The following LYPD6 variants were observed in gnomAD, a reference collection of about 807,000 sequenced individuals.
LYPD6 encodes the protein LY6/PLAUR domain containing 6.
In LYPD6, 15 loss-of-function variants were observed where a neutral mutation model predicts 22.7. That is an observed-to-expected ratio of 0.66 (90% CI 0.44 to 1.02). LYPD6 has a LOEUF of 1.02. Ranked by LOEUF, LYPD6 falls within the 50% of genes least tolerant of loss-of-function variation. LYPD6 has a pLI of 0.00. For synonymous variants in LYPD6, 72 were observed against 77.5 expected, an observed-to-expected ratio of 0.93 and a Z score of 0.37; for missense variants, 189 against 208.4, an observed-to-expected ratio of 0.91 and a Z score of 0.57.
chr2:149,373,426 A>T (rs866574421), intron 1 of LYPD6, among the ~76,000 whole-genome samples: 3 of 152,150 alleles, frequency 2.0e-5, no homozygotes, highest in Admixed American at 6.5e-5. Context: ...TAGAGTAGGA[A>T]GGAAAGGGGT....
At chr2:149,391,200 C>T (rs781200787) in intron 1 of LYPD6, among the ~76,000 whole-genome samples, 9 of 152,180 alleles carry the variant, frequency 5.9e-5, no homozygotes, top group East Asian at 1.9e-4. Flanking sequence ...ATCTGCCAGA[C>T]GCTGACATGG....
intron 3 of LYPD6, among the ~76,000 whole-genome samples, chr2:149,459,180 A>G (rs1681032922): frequency 1.3e-5 from 2 of 152,230 alleles, no homozygotes; most frequent in South Asian, 4.1e-4. Flanking sequence ...ATCTGATATG[A>G]GAAACATTAG....
downstream of LYPD6, among the ~76,000 whole-genome samples, chr2:149,478,882 C>T (rs1681481479): frequency 6.6e-6 from 1 of 152,174 alleles, no homozygotes; most frequent in South Asian, 2.1e-4. Flanking sequence ...GTCCCACCCA[C>T]ATTCACACAT....
downstream of LYPD6, among the ~76,000 whole-genome samples, chr2:149,476,977 A>G (rs1334697402): frequency 6.6e-6 from 1 of 152,180 alleles, no homozygotes; most frequent in Admixed American, 6.5e-5. Flanking sequence ...ATCATGCTTG[A>G]GAAGCTTGGC....
intron 2 of LYPD6, among the ~76,000 whole-genome samples, chr2:149,438,145 G>T (rs1344757719): frequency 3.3e-5 from 5 of 152,190 alleles, no homozygotes; most frequent in Non-Finnish European, 7.4e-5. Flanking sequence ...CCAGAAGGAG[G>T]ATTGTTTGTA....
intron 1 of LYPD6, among the ~76,000 whole-genome samples, chr2:149,409,194 T>C (rs1293116815): frequency 1.3e-5 from 2 of 152,230 alleles, no homozygotes; most frequent in Admixed American, 6.5e-5. Flanking sequence ...TCTAGCCACC[T>C]AGCAGAGCTA....
chr2:149,335,693 A>C (rs564804495), intron 1 of LYPD6, among the ~76,000 whole-genome samples: 157 of 152,288 alleles, frequency 1.0e-3, no homozygotes, highest in Non-Finnish European at 1.8e-3. Flanking sequence ...AGCAACTTAC[A>C]GTCCTGCAAG....
At chr2:149,433,203 G>A (rs796340001) in intron 1 of LYPD6, among the ~76,000 whole-genome samples, 1 of 152,172 alleles carries the variant, frequency 6.6e-6, no homozygotes, top group African/African-American at 2.4e-5. Context: ...TGAAATTCAT[G>A]GTTAAAAAAT....
At chr2:149,421,572 C>T (rs1215274297) in intron 1 of LYPD6, among the ~76,000 whole-genome samples, 2 of 151,728 alleles carry the variant, frequency 1.3e-5, no homozygotes, top group Non-Finnish European at 2.9e-5. Context: ...TTTTGTAGGT[C>T]GAAAATGATG....
the LYPD6 span, among the ~76,000 whole-genome samples, chr2:149,484,569 C>T: frequency 6.6e-6 from 1 of 152,094 alleles, no homozygotes; most frequent in Non-Finnish European, 1.5e-5. Flanking sequence ...AGTCCATGCA[C>T]AGCAATCCTT....
chr2:149,371,833 G>C (rs1278173403), intron 1 of LYPD6, among the ~76,000 whole-genome samples: 1 of 152,130 alleles, frequency 6.6e-6, no homozygotes, highest in Non-Finnish European at 1.5e-5. Flanking sequence ...TTGCTGGAGT[G>C]TCCATAGTAC....
chr2:149,372,989 A>G (rs1681843198), intron 1 of LYPD6, among the ~76,000 whole-genome samples: 1 of 152,184 alleles, frequency 6.6e-6, no homozygotes, highest in African/African-American at 2.4e-5. Context: ...AGGGAGTTAC[A>G]GGATCAGATT....
At chr2:149,343,823 A>G (rs531310536) in intron 1 of LYPD6, among the ~76,000 whole-genome samples, 10 of 152,238 alleles carry the variant, frequency 6.6e-5, no homozygotes, top group Middle Eastern at 3.4e-3. Context: ...CCTCAAAATG[A>G]TTGCTTAAGA....
At chr2:149,430,709 G>A (rs558639675) in intron 1 of LYPD6, among the ~76,000 whole-genome samples, 9 of 152,242 alleles carry the variant, frequency 5.9e-5, no homozygotes, top group South Asian at 2.1e-4. Flanking sequence ...TTATAATTGC[G>A]TATATACTGA....
intron 1 of LYPD6, among the ~76,000 whole-genome samples, chr2:149,365,043 T>C (rs558518280): frequency 4.5e-4 from 69 of 152,284 alleles, no homozygotes; most frequent in African/African-American, 1.6e-3. Flanking sequence ...TCACTTTAGG[T>C]CATTGGTGTG....
intron 2 of LYPD6, 136 bp from the exon 3 acceptor site, chr2:149,448,913 A>T: frequency 1.6e-6 from 1 of 629,852 alleles, no homozygotes. Flanking sequence ...TTGCTGGGTC[A>T]TATGGTAGTT....
intron 1 of LYPD6, among the ~76,000 whole-genome samples, chr2:149,403,955 A>C (rs1682627181): frequency 6.6e-6 from 1 of 152,218 alleles, no homozygotes; most frequent in Non-Finnish European, 1.5e-5. Flanking sequence ...ACACATGGCT[A>C]ACCAGTTTTC....
At chr2:149,442,726 T>C (rs1320875475) in intron 2 of LYPD6, among the ~76,000 whole-genome samples, 1 of 152,168 alleles carries the variant, frequency 6.6e-6, no homozygotes. Context: ...GTAGACCTCA[T>C]TTCTGGCAAA....
intron 1 of LYPD6, among the ~76,000 whole-genome samples, chr2:149,410,323 C>T (rs1682824467): frequency 6.6e-6 from 1 of 151,734 alleles, no homozygotes; most frequent in Non-Finnish European, 1.5e-5. Context: ...TGGTTTGTGC[C>T]AGTATACGTG....
Sources: gnomAD v4.1 joint callset for allele counts (sites outside exome capture counted in the v4.1 genomes callset) on GRCh38, gnomAD v4.1.1 for gene constraint, MANE v1.5 for transcripts, NCBI Gene and HGNC (gene_info 2026-07-23, HGNC 2026-07-21) for gene names.